The following IFT81 variants were observed in gnomAD, a reference collection of about 807,000 sequenced individuals.
IFT81 encodes intraflagellar transport 81, also known as intraflagellar transport protein 81 homolog.
In IFT81, 72 loss-of-function variants were observed where a neutral mutation model predicts 102.6. The ratio of observed to expected loss-of-function variants is 0.70; its 90% CI spans 0.58 to 0.85. IFT81 has a LOEUF of 0.85. IFT81 is among the 40% of genes least tolerant of loss of function. The probability of loss-of-function intolerance (pLI) is 0.00; values close to 1 mark genes in which losing one functional copy is unlikely to be tolerated. For missense variants in IFT81, 723 were observed against 787.3 expected, an observed-to-expected ratio of 0.92 and a Z score of 0.98; for synonymous variants, 237 against 242.7, an observed-to-expected ratio of 0.98 and a Z score of 0.22.
At chr12:110,192,125 C>G (rs1259464270) in intron 13 of IFT81, among the ~76,000 whole-genome samples, 4 of 150,334 alleles carry the variant, frequency 2.7e-5, no homozygotes, top group Non-Finnish European at 5.9e-5. Context: ...GAGCTGAGAT[C>G]ACACCATTGC....
At chr12:110,154,036 T>C (rs897455081) in intron 10 of IFT81, among the ~76,000 whole-genome samples, 22 of 151,940 alleles carry the variant, frequency 1.4e-4, no homozygotes, top group Admixed American at 2.6e-4. Context: ...TCGGCTGGAG[T>C]GCAGTGGCAT....
At chr12:110,186,136 T>A (rs1897517041) in intron 12 of IFT81, among the ~76,000 whole-genome samples, 1 of 152,248 alleles carries the variant, frequency 6.6e-6, no homozygotes. Context: ...TTTTACTGAA[T>A]GTAGAATTTT....
chr12:110,209,233 A>G lies in IFT81; in HGVS notation c.1848+17A>G. On this transcript the variant is annotated intron_variant, in intron 18 of 18. Coordinates refer to ENST00000242591, the MANE Select transcript of IFT81 (RefSeq NM_014055.4). ...CTTGGAAAGGTAAGAATTATTATTT[A>G]TTTTTTTAAATGTGTCTAACTGATT... 7.5e-7 allele frequency: 1 copy of G among 1,339,056 alleles called. No individual in the cohort carries two copies. The allele number at this position is 1,339,056 out of a possible 1,614,324, so 82.9% of individuals were successfully genotyped here.
intron 14 of IFT81, among the ~76,000 whole-genome samples, chr12:110,195,425 A>G (rs1272873508): frequency 2.6e-5 from 4 of 152,050 alleles, no homozygotes; most frequent in Non-Finnish European, 4.4e-5. Flanking sequence ...TTGCCGTTAT[A>G]CCTTGAATAC....
intron 14 of IFT81, 57 bp from the exon 15 acceptor site, chr12:110,203,807 G>C: frequency 8.8e-7 from 1 of 1,136,618 alleles, no homozygotes. Context: ...TTGTTTCAGA[G>C]CCATGTTTGG....
chr12:110,135,231 A>G (rs574832986), intron 6 of IFT81, 96 bp from the exon 7 acceptor site: 1 of 823,342 alleles, frequency 1.2e-6, no homozygotes, highest in African/African-American at 1.7e-5. Context: ...ACTGTTTACC[A>G]AAAGGAAATG....
chr12:110,193,216 T>G (rs900203995), intron 14 of IFT81, among the ~76,000 whole-genome samples: 20 of 152,288 alleles, frequency 1.3e-4, no homozygotes, highest in African/African-American at 4.6e-4. Flanking sequence ...TTTATGCTGC[T>G]TATTTAGCCA....
intron 14 of IFT81, among the ~76,000 whole-genome samples, chr12:110,202,888 TC>T (rs1898366486): frequency 6.6e-6 from 1 of 152,210 alleles, no homozygotes; most frequent in Non-Finnish European, 1.5e-5. Flanking sequence ...GTGGTACATT[TC>T]AAACACCCTA....
chr12:110,168,907 T>C (rs1272104771), intron 11 of IFT81: 1 of 152,198 alleles, frequency 6.6e-6, no homozygotes, highest in East Asian at 1.9e-4. Flanking sequence ...CTTGGATGGA[T>C]TCCTGCCATT....
At chr12:110,175,805 T>C (rs925563863) in intron 11 of IFT81, among the ~76,000 whole-genome samples, 3 of 152,130 alleles carry the variant, frequency 2.0e-5, no homozygotes, top group African/African-American at 7.2e-5. Flanking sequence ...TGGTATCTCA[T>C]TGTTTTATTT....
intron 14 of IFT81, among the ~76,000 whole-genome samples, chr12:110,194,927 C>A (rs1897938608): frequency 6.6e-6 from 1 of 152,124 alleles, no homozygotes; most frequent in African/African-American, 2.4e-5. Flanking sequence ...ATCAAATTAT[C>A]TGCTTTCTTT....
chr12:110,142,566 T>C (rs958571704), intron 8 of IFT81, among the ~76,000 whole-genome samples: 5 of 152,072 alleles, frequency 3.3e-5, no homozygotes, highest in African/African-American at 9.7e-5. Flanking sequence ...TGAACTGTTA[T>C]AATAGAAATA....
chr12:110,193,430 G>C (rs1897878753), intron 14 of IFT81, among the ~76,000 whole-genome samples: 1 of 152,114 alleles, frequency 6.6e-6, no homozygotes, highest in African/African-American at 2.4e-5. Context: ...TGCACTGCTA[G>C]GAGGCACGGT....
At chr12:110,141,795 G>C (rs368256249) in intron 8 of IFT81, among the ~76,000 whole-genome samples, 8 of 152,212 alleles carry the variant, frequency 5.3e-5, no homozygotes, top group Admixed American at 5.2e-4. Flanking sequence ...CAGGAGAATC[G>C]CTTGAACCCA....
intron 11 of IFT81, among the ~76,000 whole-genome samples, chr12:110,176,940 G>A (rs1421033348): frequency 3.3e-5 from 5 of 152,234 alleles, no homozygotes; most frequent in Admixed American, 2.0e-4. Flanking sequence ...GATAGCAGAT[G>A]AACAGGGTTG....
At chr12:110,153,429 C>T (rs1172517314) in intron 10 of IFT81, among the ~76,000 whole-genome samples, 2 of 149,476 alleles carry the variant, frequency 1.3e-5, no homozygotes, top group Non-Finnish European at 3.0e-5. Flanking sequence ...CACAGGGTTT[C>T]TCCATGTCTC....
At position 110,203,470 on chromosome 12, in the gene IFT81, A is replaced by G. The variant is rs111647443; in HGVS notation, c.1558-394A>G. ...GCTTAGATATCAATTTCTCCAGGAAATTGTCCCCACTGATCCCCAAGCCTG... is the reference window on the plus strand; with the variant it reads ...GCTTAGATATCAATTTCTCCAGGAAGTTGTCCCCACTGATCCCCAAGCCTG... On this transcript the variant is annotated intron_variant, in intron 14 of 18. Coordinates refer to ENST00000242591, the MANE Select transcript of IFT81 (RefSeq NM_014055.4). 1,572 of 179,478 alleles carry G rather than the reference A, an allele frequency of 8.8e-3. 6 individuals carry two copies. The highest frequency in any genetic ancestry group is 9.3e-3 in the Non-Finnish European group (785 of 84,154). 11.1% of individuals were successfully genotyped at this position (179,478 alleles called of 1,614,324 possible). A position where few individuals can be genotyped will look rare whatever the true frequency, so the allele number is the denominator to read the frequency against.
chr12:110,186,857 C>T (rs1224772673), intron 12 of IFT81, among the ~76,000 whole-genome samples: 2 of 152,196 alleles, frequency 1.3e-5, no homozygotes, highest in East Asian at 3.9e-4. Flanking sequence ...ACTACAATCT[C>T]ATTCTGTCCT....
chr12:110,127,151 G>T (rs776086117), intron 1 of IFT81, among the ~76,000 whole-genome samples: 1 of 152,152 alleles, frequency 6.6e-6, no homozygotes, highest in Non-Finnish European at 1.5e-5. Flanking sequence ...CAAAGCATTT[G>T]ATGTTAAAAT....
Sources: allele counts gnomAD v4.1 joint callset (sites outside exome capture counted in the v4.1 genomes callset), GRCh38; gene constraint gnomAD v4.1.1; transcripts MANE v1.5; gene names NCBI Gene and HGNC (gene_info 2026-07-23, HGNC 2026-07-21).